Variants in BMPER observed in about 807,000 individuals in gnomAD.
The protein encoded by BMPER is BMP binding endothelial regulator, also known as BMP-binding endothelial regulator protein.
A neutral mutation model predicts 87.3 loss-of-function variants in BMPER; 45 were observed. The observed-to-expected ratio is 0.52, with a 90% CI of 0.41 to 0.66. The LOEUF (loss-of-function observed/expected upper bound fraction) is 0.66. Ranked by LOEUF, BMPER falls within the 30% of genes least tolerant of loss-of-function variation. The pLI, the probability that BMPER is intolerant of heterozygous loss-of-function variation, is 0.00. For synonymous variants in BMPER, 326 were observed against 316.2 expected (o/e 1.03, Z -0.33); for missense variants, 784 against 867.5 (o/e 0.90, Z 1.21).
intron 10 of BMPER, among the ~76,000 whole-genome samples, chr7:34,060,201 A>G (rs929148222): frequency 1.3e-5 from 2 of 152,062 alleles, no homozygotes; most frequent in Non-Finnish European, 2.9e-5. Context: ...ATTTAGTGAT[A>G]TCATCACTGC....
intron 14 of BMPER, among the ~76,000 whole-genome samples, chr7:34,146,818 A>G (rs139466542): frequency 4.3e-4 from 66 of 152,302 alleles, no homozygotes; most frequent in African/African-American, 1.5e-3. Flanking sequence ...ATGCATATTT[A>G]TGTGCTTATA....
At chr7:34,057,633 A>G (rs896094291) in intron 9 of BMPER, among the ~76,000 whole-genome samples, 7 of 152,196 alleles carry the variant, frequency 4.6e-5, no homozygotes, top group South Asian at 2.1e-4. Context: ...GGACATCTCA[A>G]TTAACTATTG....
intron 2 of BMPER, among the ~76,000 whole-genome samples, chr7:33,935,347 A>G (rs1784576953): frequency 6.6e-6 from 1 of 151,968 alleles, no homozygotes; most frequent in South Asian, 2.1e-4. Context: ...GTGGTTCTCA[A>G]CCCTAGCTGA....
At chr7:33,918,462 C>T (rs1453758253) in intron 2 of BMPER, among the ~76,000 whole-genome samples, 1 of 152,224 alleles carries the variant, frequency 6.6e-6, no homozygotes, top group Non-Finnish European at 1.5e-5. Context: ...TGTTCCTTTA[C>T]TGCCCAGAAA....
chr7:33,993,419 A>G (rs934427828), intron 6 of BMPER, among the ~76,000 whole-genome samples: 42 of 152,030 alleles, frequency 2.8e-4, no homozygotes, highest in African/African-American at 9.9e-4. Flanking sequence ...TTGGCTCCTG[A>G]GGCTTCTGCA....
chr7:34,090,972 C>A (rs1789363565), intron 13 of BMPER, among the ~76,000 whole-genome samples: 1 of 152,160 alleles, frequency 6.6e-6, no homozygotes, highest in Non-Finnish European at 1.5e-5. Flanking sequence ...GATTTTACAG[C>A]TGTAAGGAAT....
Position 33,966,603 on chromosome 7 carries a change from T to C in BMPER, c.402+42T>C, listed in dbSNP as rs763389090. ...TCTCTCTCCAGTAAAAAGGAATCCA[T>C]AGAGTCCTCTTTAGTCACCCCTTCA... On this transcript the variant is annotated intron_variant, in intron 4 of 14. Transcript: ENST00000649409. 8 of 1,580,160 alleles carry C rather than the reference T, an allele frequency of 5.1e-6. No individual in the cohort carries two copies. The South Asian group carries it at 8.9e-5, about 18-fold the overall frequency.
intron 6 of BMPER, among the ~76,000 whole-genome samples, chr7:33,983,297 C>G (rs1356873221): frequency 6.6e-6 from 1 of 151,900 alleles, no homozygotes; most frequent in Admixed American, 6.6e-5. Context: ...TTGTTTGTAG[C>G]TGAAATATTC....
intron 14 of BMPER, among the ~76,000 whole-genome samples, chr7:34,152,807 C>T (rs1310381139): frequency 6.6e-6 from 1 of 152,018 alleles, no homozygotes; most frequent in South Asian, 2.1e-4. Flanking sequence ...AACTAAATAG[C>T]CTTAAAGATT....
intron 6 of BMPER, among the ~76,000 whole-genome samples, chr7:33,995,393 C>T (rs1429575426): frequency 6.6e-6 from 1 of 151,918 alleles, no homozygotes; most frequent in African/African-American, 2.4e-5. Flanking sequence ...TCCTTTTCCT[C>T]CTGAAGGCAA....
chr7:34,012,643 A>AAAAAT (rs772379781), intron 6 of BMPER, among the ~76,000 whole-genome samples: 9 of 151,886 alleles, frequency 5.9e-5, no homozygotes, highest in Non-Finnish European at 1.2e-4. Context: ...AAAACCTGGG[A>AAAAAT]AAAATAAAAC....
At chr7:34,006,902 G>C in intron 6 of BMPER, among the ~76,000 whole-genome samples, 1 of 152,104 alleles carries the variant, frequency 6.6e-6, no homozygotes, top group East Asian at 1.9e-4. Context: ...AGGACAGAAT[G>C]AAGGAGATTT....
At chr7:34,060,075 T>C (rs1374651464) in intron 10 of BMPER, among the ~76,000 whole-genome samples, 1 of 152,128 alleles carries the variant, frequency 6.6e-6, no homozygotes, top group Non-Finnish European at 1.5e-5. Flanking sequence ...AGGTGGGTGG[T>C]ATTTCTAGAC....
At chr7:34,090,880 G>A (rs1306534439) in intron 13 of BMPER, among the ~76,000 whole-genome samples, 4 of 152,288 alleles carry the variant, frequency 2.6e-5, no homozygotes, top group South Asian at 2.1e-4. Flanking sequence ...TCACCAGAGC[G>A]AAAACCCTGT....
chr7:33,966,907 C>T (rs539465337), intron 4 of BMPER, among the ~76,000 whole-genome samples: 10 of 152,246 alleles, frequency 6.6e-5, no homozygotes, highest in Admixed American at 2.0e-4. Flanking sequence ...TAGCAGAAAG[C>T]GGGTATTGTT....
chr7:34,036,759 C>T (rs1021159325), intron 6 of BMPER, among the ~76,000 whole-genome samples: 15 of 152,126 alleles, frequency 9.9e-5, no homozygotes, highest in African/African-American at 3.6e-4. Flanking sequence ...GCTGTGGACA[C>T]CCAGAACCAG....
intron 5 of BMPER, among the ~76,000 whole-genome samples, chr7:33,971,668 G>C (rs992490632): frequency 2.6e-5 from 4 of 152,024 alleles, no homozygotes. Context: ...CTGCACACCA[G>C]AGTCACCTGA....
At chr7:33,955,894 G>A (rs1359630429) in intron 3 of BMPER, among the ~76,000 whole-genome samples, 1 of 152,086 alleles carries the variant, frequency 6.6e-6, no homozygotes, top group South Asian at 2.1e-4. Context: ...AATAGAATGG[G>A]GAACCTGGAC....
At chr7:34,079,933 A>G (rs772766872) in intron 12 of BMPER, among the ~76,000 whole-genome samples, 1 of 152,148 alleles carries the variant, frequency 6.6e-6, no homozygotes, top group Non-Finnish European at 1.5e-5. Flanking sequence ...GTTACTTGCT[A>G]CCTAAGAAAG....
Sources: allele counts gnomAD v4.1 joint callset (sites outside exome capture counted in the v4.1 genomes callset), GRCh38; gene constraint gnomAD v4.1.1; transcripts MANE v1.5; gene names NCBI Gene and HGNC (gene_info 2026-07-23, HGNC 2026-07-21).